The following ASH1L variants were observed in gnomAD, a reference collection of about 807,000 sequenced individuals.
ASH1L encodes histone-lysine N-methyltransferase ASH1L.
ASH1L carries 23 observed loss-of-function variants against 269.0 expected under a neutral mutation model. That is an observed-to-expected ratio of 0.09 (90% CI 0.06 to 0.12). ASH1L has a LOEUF of 0.12. Among genes scored for constraint, ASH1L ranks in the 10% least tolerant of loss-of-function variants. The pLI is 1.00. For missense variants in ASH1L, 2,912 were observed against 3,567.8 expected, an observed-to-expected ratio of 0.82 and a Z score of 4.68; for synonymous variants, 1,187 against 1,253.5, an observed-to-expected ratio of 0.95 and a Z score of 1.12.
intron 16 of ASH1L, 84 bp from the exon 17 acceptor site, chr1:155,352,942 G>T: frequency 1.5e-6 from 2 of 1,357,488 alleles, no homozygotes; most frequent in Non-Finnish European, 2.0e-6. Context: ...CCTGCCATTT[G>T]CTCTATTTTC....
Position 155,480,581 on chromosome 1 carries a change from G to A in ASH1L, c.2289C>T (p.Asn763=), listed in dbSNP as rs1236316302. 2 of 1,614,148 alleles carry A rather than the reference G, an allele frequency of 1.2e-6. No individual in the cohort carries two copies. Among genetic ancestry groups the A allele is most frequent in the East Asian group, 4.5e-5 (2 of 44,880 alleles). ...GATCTACAAATGAAGGGGGTCCAAT[G>A]TTTTTCATAAACTTGGCTGGCTCAG... The part of the protein sequence containing the change: ...SNSEPAKFMK[N]IGPPSFVDHD... The change falls in exon 3 of 28, where the codon AAC becomes AAT. Residue 763 remains asparagine (N), a synonymous_variant. Transcript: ENST00000392403.
intron 6 of ASH1L, among the ~76,000 whole-genome samples, chr1:155,406,182 C>T (rs546994184): frequency 2.2e-5 from 3 of 136,156 alleles, no homozygotes; most frequent in Admixed American, 8.2e-5. Flanking sequence ...CCAGCCTGGG[C>T]GACAGAGTGA....
chr1:155,341,872 A>C, intron 25 of ASH1L, 64 bp downstream of exon 25: 1 of 1,541,356 alleles, frequency 6.5e-7, no homozygotes, highest in Non-Finnish European at 8.9e-7. Context: ...ATTTTCGCTC[A>C]GTGAATTTCA....
At chr1:155,428,970 C>T (rs1661395567) in intron 5 of ASH1L, among the ~76,000 whole-genome samples, 1 of 152,066 alleles carries the variant, frequency 6.6e-6, no homozygotes, top group South Asian at 2.1e-4. Flanking sequence ...CCTCTAGCGC[C>T]ACTGGGTTAG....
chr1:155,491,857 G>C (rs1461920362), intron 2 of ASH1L, among the ~76,000 whole-genome samples: 1 of 151,602 alleles, frequency 6.6e-6, no homozygotes, highest in Non-Finnish European at 1.5e-5. Context: ...ATTTTTAGTA[G>C]AGATGGAGTC....
At chr1:155,419,553 A>T (rs1191049898) in intron 5 of ASH1L, 4 of 152,334 alleles carry the variant, frequency 2.6e-5, no homozygotes, top group Admixed American at 6.5e-5. Context: ...TTCCACACAA[A>T]AATCGAACAG....
chr1:155,562,118 T>G (rs547982248), intron 1 of ASH1L, 35 bp downstream of exon 1: 2 of 1,364,582 alleles, frequency 1.5e-6, no homozygotes, highest in Admixed American at 3.7e-5. Flanking sequence ...AGAGAGTGCT[T>G]AGGCCCGAAT....
chr1:155,513,675 C>T (rs941657002), intron 2 of ASH1L, among the ~76,000 whole-genome samples: 4 of 151,834 alleles, frequency 2.6e-5, no homozygotes, highest in African/African-American at 9.7e-5. Context: ...TCCACTTCCA[C>T]ATATATACAT....
chr1:155,373,106 G>A (rs529008735), intron 10 of ASH1L, among the ~76,000 whole-genome samples: 3 of 151,936 alleles, frequency 2.0e-5, no homozygotes, highest in South Asian at 2.1e-4. Context: ...CCAGCTACTC[G>A]GGAGGCTGAG....
intron 2 of ASH1L, among the ~76,000 whole-genome samples, chr1:155,487,611 T>C (rs1666416693): frequency 6.6e-6 from 1 of 152,076 alleles, no homozygotes; most frequent in Non-Finnish European, 1.5e-5. Context: ...AATCTCGAAC[T>C]CCGGGGCTCA....
chr1:155,388,735 T>C (rs567790101), intron 7 of ASH1L, among the ~76,000 whole-genome samples: 1 of 135,618 alleles, frequency 7.4e-6, no homozygotes, highest in Non-Finnish European at 1.6e-5. Context: ...TTTTTTTTCA[T>C]AGAAAACAGG....
chr1:155,562,489 G>C lies in ASH1L; in HGVS notation c.-436C>G. 2.7e-6 allele frequency: 4 copies of C among 1,484,214 alleles called. No homozygotes were observed. The highest frequency in any genetic ancestry group is 1.8e-6 in the Non-Finnish European group (2 of 1,098,392). The allele number at this position is 1,484,214 out of a possible 1,614,324, so 91.9% of individuals were successfully genotyped here. A position where few individuals can be genotyped will look rare whatever the true frequency, so the allele number is the denominator to read the frequency against. ...GTGGCGGCGGCAGCTCCTCCAGAGG[G>C]AGGGAGCGAAGGGCGCCTAGCGCCC... On this transcript the variant is annotated 5_prime_UTR_variant, in exon 1 of 28. Coordinates refer to ENST00000392403, the MANE Select transcript of ASH1L (RefSeq NM_018489.3).
Position 155,562,273 on chromosome 1 carries a change from G to C in ASH1L, c.-220C>G, listed in dbSNP as rs1197304302. 1.2e-6 allele frequency: 2 copies of C among 1,608,872 alleles called. No individual in the cohort carries two copies. The highest frequency in any genetic ancestry group is 2.2e-5 in the South Asian group (2 of 90,956). On this transcript the variant is annotated 5_prime_UTR_variant, in exon 1 of 28. Transcript: ENST00000392403. The stretch of plus-strand genomic sequence containing the variant: ...ACGGCGGATCCCTCCCGCTTGTCAG[G>C]AGGCGGCCAGCGGGTAAGCTGACTG...
chr1:155,506,848 C>T (rs1187400001), intron 2 of ASH1L, among the ~76,000 whole-genome samples: 1 of 152,060 alleles, frequency 6.6e-6, no homozygotes, highest in Non-Finnish European at 1.5e-5. Flanking sequence ...AATCCTAGCA[C>T]TTTGAGAGGC....
chr1:155,500,836 C>CA (rs373905153), intron 2 of ASH1L, among the ~76,000 whole-genome samples: 7 of 152,074 alleles, frequency 4.6e-5, no homozygotes, highest in African/African-American at 1.7e-4. Flanking sequence ...AACATGGTGG[C>CA]ACATGCCTGT....
At chr1:155,427,090 T>C (rs1661215126) in intron 5 of ASH1L, among the ~76,000 whole-genome samples, 1 of 152,012 alleles carries the variant, frequency 6.6e-6, no homozygotes, top group Admixed American at 6.6e-5. Context: ...AAATCCTTTA[T>C]TTTATTCAGT....
chr1:155,373,295 CT>C (rs571372193), intron 10 of ASH1L, among the ~76,000 whole-genome samples: 2 of 150,094 alleles, frequency 1.3e-5, no homozygotes, highest in East Asian at 2.0e-4. Flanking sequence ...GCTTTCTTTA[CT>C]TTTTTTTTGG....
At position 155,370,509 on chromosome 1, in the gene ASH1L, C is replaced by T; in HGVS notation, c.6681G>A (p.Gln2227=). 1 of 1,613,878 alleles carries T rather than the reference C, an allele frequency of 6.2e-7. No individual in the cohort carries two copies. Among genetic ancestry groups the T allele is most frequent in the Non-Finnish European group, 8.5e-7 (1 of 1,180,022 alleles). The change falls in exon 12 of 28, where the codon CAG becomes CAA. Residue 2227 remains glutamine (Q), a synonymous_variant. Transcript: ENST00000392403. Reference sequence around the variant, plus strand: ...ACCTTCTTTTGCTTCCTTACCATTTCTGCATTTCACAATTTGGGTCACAGC... The same window carrying T: ...ACCTTCTTTTGCTTCCTTACCATTTTTGCATTTCACAATTTGGGTCACAGC... ...NHSCDPNCEM[Q]KWSVNGVYRI...
At position 155,350,630 on chromosome 1, in the gene ASH1L, T is replaced by C. The variant is rs147229944; in HGVS notation, c.7367-1034A>G. Among the ~76,000 whole-genome samples, 11 of 152,188 alleles carry C rather than the reference T, an allele frequency of 7.2e-5. No homozygotes were observed. The East Asian group carries it at 2.1e-3, about 29-fold the overall frequency. On this transcript the variant is annotated intron_variant, in intron 17 of 27. Transcript: ENST00000392403. ...TAACTGCCCTTAATTAATAGTAATTTGTTTGGCTGGGAATGGGTGCGGTGG... is the reference window on the plus strand; with the variant it reads ...TAACTGCCCTTAATTAATAGTAATTCGTTTGGCTGGGAATGGGTGCGGTGG...
Sources: allele counts gnomAD v4.1 joint callset (sites outside exome capture counted in the v4.1 genomes callset), GRCh38; gene constraint gnomAD v4.1.1; transcripts MANE v1.5; gene names NCBI Gene and HGNC (gene_info 2026-07-23, HGNC 2026-07-21).